SLC35F1: variants seen among roughly 807,000 people sequenced by gnomAD.
The protein encoded by SLC35F1 is chromosome 6 open reading frame 169.
SLC35F1 carries 14 observed loss-of-function variants against 48.7 expected under a neutral mutation model. The observed-to-expected ratio is 0.29, with a 90% confidence interval of 0.19 to 0.45. The LOEUF is 0.45. SLC35F1 is among the 20% of genes least tolerant of loss of function. SLC35F1 has a pLI of 1.00. For synonymous variants in SLC35F1, 190 were observed against 202.2 expected (o/e 0.94, Z 0.51); for missense variants, 404 against 500.0 (o/e 0.81, Z 1.83).
Position 118,248,849 on chromosome 6 carries a change from T to C in SLC35F1, c.477+13213T>C, listed in dbSNP as rs185588319. ...AGTGTTTGTGTCTTCCCAAAATTCA[T>C]GTATTGAAATCCTAACCCCCAATAT... On this transcript the variant is annotated intron_variant, in intron 3 of 7. Coordinates refer to ENST00000360388, the MANE Select transcript of SLC35F1 (RefSeq NM_001029858.4). Among the ~76,000 whole-genome samples, 200 of 152,344 alleles carry C rather than the reference T, an allele frequency of 1.3e-3. 1 individual carries two copies. Among genetic ancestry groups the C allele is most frequent in the Non-Finnish European group, 2.0e-3 (139 of 68,026 alleles).
chr6:118,186,797 C>A (rs539791949), intron 2 of SLC35F1, among the ~76,000 whole-genome samples: 5 of 152,254 alleles, frequency 3.3e-5, no homozygotes, highest in African/African-American at 1.2e-4. Context: ...ACTCAGAGAA[C>A]CCCACAATGC....
At chr6:118,088,104 T>A (rs1773018038) in intron 1 of SLC35F1, among the ~76,000 whole-genome samples, 1 of 152,214 alleles carries the variant, frequency 6.6e-6, no homozygotes, top group Non-Finnish European at 1.5e-5. Flanking sequence ...AATAGTTACT[T>A]TTAATGGTTA....
chr6:118,132,241 G>A (rs1437785857), intron 1 of SLC35F1, among the ~76,000 whole-genome samples: 3 of 152,170 alleles, frequency 2.0e-5, no homozygotes, highest in African/African-American at 7.2e-5. Flanking sequence ...GAGACTTAGT[G>A]AGGGCAAAAT....
intron 1 of SLC35F1, among the ~76,000 whole-genome samples, chr6:117,908,536 G>A (rs536594244): frequency 6.6e-6 from 1 of 152,292 alleles, no homozygotes; most frequent in East Asian, 1.9e-4. Context: ...TTGCGGGCAG[G>A]GTGTGAGCCG....
At position 118,034,238 on chromosome 6, in the gene SLC35F1, C is replaced by A. The variant is rs150698260; in HGVS notation, c.174-120207C>A. 3.1e-3 allele frequency among the ~76,000 whole-genome samples: 472 copies of A among 152,004 alleles called. 3 individuals are homozygous for A. The highest frequency in any genetic ancestry group is 0.011 in the African/African-American group (446 of 41,460). On this transcript the variant is annotated intron_variant, in intron 1 of 7. Transcript: ENST00000360388. The stretch of plus-strand genomic sequence containing the variant: ...TTAAAAATATAAAACCTGTTCTTAG[C>A]ATACAAAAATATGTTCAGGCAACAC...
intron 2 of SLC35F1, among the ~76,000 whole-genome samples, chr6:118,207,330 T>G (rs7744024): frequency 0.58 from 88,448 of 152,110 alleles, 26,095 homozygotes; most frequent in Middle Eastern, 0.68. Flanking sequence ...AGAGTTTTGT[T>G]GATTGTTTAG....
intron 1 of SLC35F1, among the ~76,000 whole-genome samples, chr6:118,144,685 C>T (rs768695079): frequency 2.6e-5 from 4 of 150,998 alleles, no homozygotes; most frequent in Middle Eastern, 3.5e-3. Context: ...ATATGTGATC[C>T]CCTAGTATTA....
intron 1 of SLC35F1, among the ~76,000 whole-genome samples, chr6:117,951,543 C>T (rs146313283): frequency 3.6e-4 from 55 of 152,282 alleles, no homozygotes; most frequent in African/African-American, 1.3e-3. Flanking sequence ...TGTTAATATA[C>T]TCCAAGAAAA....
chr6:118,311,862 C>T (rs1033875293), intron 7 of SLC35F1, among the ~76,000 whole-genome samples: 5 of 151,996 alleles, frequency 3.3e-5, no homozygotes, highest in Non-Finnish European at 5.9e-5. Context: ...ATCAGTATTA[C>T]TATGATAAAA....
intron 7 of SLC35F1, among the ~76,000 whole-genome samples, chr6:118,307,930 C>T (rs1373343698): frequency 6.6e-6 from 1 of 152,200 alleles, no homozygotes; most frequent in Admixed American, 6.5e-5. Flanking sequence ...CACAGGACTG[C>T]CAAGAGTTGA....
At chr6:117,997,612 C>T (rs959401031) in intron 1 of SLC35F1, among the ~76,000 whole-genome samples, 30 of 152,148 alleles carry the variant, frequency 2.0e-4, no homozygotes, top group Non-Finnish European at 3.8e-4. Context: ...AGAGTGGGGG[C>T]CAATATTCAA....
At chr6:118,041,321 C>A (rs1429617696) in intron 1 of SLC35F1, among the ~76,000 whole-genome samples, 1 of 152,082 alleles carries the variant, frequency 6.6e-6, no homozygotes, top group Non-Finnish European at 1.5e-5. Flanking sequence ...AAATTTACAT[C>A]TTTGGTAATG....
chr6:117,927,354 G>A (rs1288154804), intron 1 of SLC35F1, among the ~76,000 whole-genome samples: 3 of 152,112 alleles, frequency 2.0e-5, no homozygotes, highest in Non-Finnish European at 4.4e-5. Context: ...TTTGGGAGTG[G>A]GACTTGTAGT....
chr6:117,929,702 C>T (rs746864784), intron 1 of SLC35F1, among the ~76,000 whole-genome samples: 9 of 151,978 alleles, frequency 5.9e-5, no homozygotes, highest in Non-Finnish European at 1.2e-4. Flanking sequence ...ATGAGACCCA[C>T]CCATATTATC....
chr6:118,256,182 C>T (rs1333091082), intron 3 of SLC35F1, among the ~76,000 whole-genome samples: 1 of 150,674 alleles, frequency 6.6e-6, no homozygotes, highest in Non-Finnish European at 1.5e-5. Flanking sequence ...TTCAGCTGGC[C>T]TGTCAGCTTA....
At chr6:118,277,567 C>T (rs767154448) in intron 6 of SLC35F1, 21 bp downstream of exon 6, 61 of 1,609,782 alleles carry the variant, frequency 3.8e-5, no homozygotes, top group Admixed American at 1.3e-4. Context: ...GGCTCACATA[C>T]GATGCTCTTT....
intron 2 of SLC35F1, among the ~76,000 whole-genome samples, chr6:118,216,531 T>C (rs1219598350): frequency 6.6e-6 from 1 of 151,860 alleles, no homozygotes; most frequent in East Asian, 1.9e-4. Context: ...GACTTTTTAA[T>C]TATTTTGAGA....
At chr6:117,909,152 G>A (rs2114791835) in intron 1 of SLC35F1, among the ~76,000 whole-genome samples, 1 of 152,290 alleles carries the variant, frequency 6.6e-6, no homozygotes, top group Admixed American at 6.5e-5. Flanking sequence ...ACTCTGACGG[G>A]AGACAGGAGT....
intron 1 of SLC35F1, among the ~76,000 whole-genome samples, chr6:117,950,525 G>A (rs1179983169): frequency 6.6e-6 from 1 of 152,158 alleles, no homozygotes; most frequent in Non-Finnish European, 1.5e-5. Context: ...AGCTGCCATG[G>A]AAGATCCTTG....
Sources: gnomAD v4.1 joint callset for allele counts (sites outside exome capture counted in the v4.1 genomes callset) on GRCh38, gnomAD v4.1.1 for gene constraint, MANE v1.5 for transcripts, NCBI Gene and HGNC (gene_info 2026-07-23, HGNC 2026-07-21) for gene names.